ADGRD1: variants seen among roughly 807,000 people sequenced by gnomAD.
ADGRD1 encodes the protein adhesion G protein-coupled receptor D1, also known as G-protein coupled receptor 133.
A neutral mutation model predicts 113.4 loss-of-function variants in ADGRD1; 77 were observed. That is an observed-to-expected ratio of 0.68 (90% CI 0.57 to 0.82). The LOEUF (loss-of-function observed/expected upper bound fraction) is 0.82. ADGRD1 is among the 40% of genes least tolerant of loss of function. The pLI, the probability that ADGRD1 is intolerant of heterozygous loss-of-function variation, is 0.00. For missense variants in ADGRD1, 1,036 were observed against 1,139.1 expected (o/e 0.91, Z 1.30); for synonymous variants, 474 against 475.0 (o/e 1.00, Z 0.03).
intron 13 of ADGRD1, among the ~76,000 whole-genome samples, chr12:131,067,003 A>G (rs1209281014): frequency 6.6e-6 from 1 of 152,140 alleles, no homozygotes; most frequent in Non-Finnish European, 1.5e-5. Context: ...AACCCTGTAC[A>G]GGGCAGGGTG....
In ADGRD1 at chr12:131,096,933, G is replaced by C. The variant is rs1887326709; in HGVS notation, c.1672-7898G>C. ...CTGTCACTTGGGGCAGGTGATGGGA[G>C]GGGAGGAGGCCCAGCAGCTCTTCTC... On this transcript the variant is annotated intron_variant, in intron 15 of 24. Coordinates refer to ENST00000261654, the MANE Select transcript of ADGRD1 (RefSeq NM_198827.5). This position sits in a 1 kb window ranked among gnomAD's most constrained non-coding sequence, Gnocchi z 5.2. 6.6e-6 allele frequency among the ~76,000 whole-genome samples: 1 copy of C among 152,164 alleles called. No individual in the cohort carries two copies. Among genetic ancestry groups the C allele is most frequent in the South Asian group, 2.1e-4 (1 of 4,826 alleles).
intron 13 of ADGRD1, among the ~76,000 whole-genome samples, chr12:131,034,096 G>A (rs1012587678): frequency 6.6e-6 from 1 of 152,112 alleles, no homozygotes; most frequent in African/African-American, 2.4e-5. Flanking sequence ...AGTAATATTC[G>A]ACGTGGCCGT....
At chr12:131,082,157 TCCTCCACC>T (rs1229467049) in intron 14 of ADGRD1, among the ~76,000 whole-genome samples, 1 of 152,166 alleles carries the variant, frequency 6.6e-6, no homozygotes, top group Non-Finnish European at 1.5e-5. Context: ...CTTCCATCCT[TCCTCCACC>T]TTTTGTTTCT....
chr12:131,135,843 A>T (rs1951064084), intron 21 of ADGRD1, among the ~76,000 whole-genome samples, 194 bp from the exon 22 acceptor site: 1 of 152,172 alleles, frequency 6.6e-6, no homozygotes. Context: ...CTGTAAGGGG[A>T]TGGAGGTGTG....
chr12:131,135,441 G>A (rs193014340), intron 21 of ADGRD1, among the ~76,000 whole-genome samples: 9 of 152,248 alleles, frequency 5.9e-5, no homozygotes, highest in African/African-American at 1.9e-4. Context: ...TGTTTAGCAC[G>A]TCCTTTGAGC....
chr12:130,955,641 A>T (rs1002543214), intron 2 of ADGRD1, among the ~76,000 whole-genome samples: 1 of 152,148 alleles, frequency 6.6e-6, no homozygotes, highest in African/African-American at 2.4e-5. Context: ...AGACCCTGCT[A>T]GTGCCTGAAC....
At chr12:131,066,802 C>T (rs562262980) in intron 13 of ADGRD1, among the ~76,000 whole-genome samples, 4 of 152,194 alleles carry the variant, frequency 2.6e-5, no homozygotes, top group African/African-American at 7.2e-5. Flanking sequence ...ACCTGGCTGG[C>T]GGCGGGGGCA....
At chr12:131,026,200 C>A (rs988859669) in intron 13 of ADGRD1, 4 of 152,256 alleles carry the variant, frequency 2.6e-5, no homozygotes, top group Non-Finnish European at 5.9e-5. Context: ...TGGACTGTGT[C>A]TCAGTGGACT....
In ADGRD1 at chr12:131,022,009, C is replaced by A; in HGVS notation, c.1473+7669C>A. ...ATGAGCCACCGCGCTCGGCCCTGATCTCTTCTTATAAGGATACTGGTCACG... is the reference window on the plus strand; with the variant it reads ...ATGAGCCACCGCGCTCGGCCCTGATATCTTCTTATAAGGATACTGGTCACG... On this transcript the variant is annotated intron_variant, in intron 13 of 24. Transcript: ENST00000261654. This position sits in a 1 kb window ranked among gnomAD's most constrained non-coding sequence, Gnocchi z 4.6. Among the ~76,000 whole-genome samples the A allele has an allele frequency of 6.6e-6, 1 of 152,134 alleles. No homozygotes were observed. The highest frequency in any genetic ancestry group is 1.9e-4 in the East Asian group (1 of 5,174).
intron 20 of ADGRD1, among the ~76,000 whole-genome samples, chr12:131,122,278 C>A (rs2136058954): frequency 6.6e-6 from 1 of 152,236 alleles, no homozygotes; most frequent in South Asian, 2.1e-4. Context: ...AGGCTTGTGG[C>A]ATCAGAGCCT....
intron 19 of ADGRD1, 56 bp downstream of exon 19, chr12:131,118,507 C>T (rs945824800): frequency 8.7e-5 from 117 of 1,346,336 alleles, no homozygotes; most frequent in Middle Eastern, 5.5e-4. Context: ...CAGCTTGTGG[C>T]GAGAGCCCCG....
chr12:131,006,169 C>A, intron 12 of ADGRD1, 122 bp downstream of exon 12: 1 of 854,096 alleles, frequency 1.2e-6, no homozygotes, highest in South Asian at 1.4e-5. Flanking sequence ...GTACCGGGCG[C>A]TTCACTGCTC....
intron 15 of ADGRD1, among the ~76,000 whole-genome samples, chr12:131,087,722 C>G (rs1036771797): frequency 1.8e-5 from 1 of 55,538 alleles, no homozygotes; most frequent in African/African-American, 3.3e-5. Flanking sequence ...CTTCCCAGTC[C>G]CCACGCCCCC....
chr12:131,102,963 G>C (rs894858712), intron 15 of ADGRD1, among the ~76,000 whole-genome samples: 9 of 152,210 alleles, frequency 5.9e-5, no homozygotes, highest in Non-Finnish European at 8.8e-5. Context: ...TCATCCTCAG[G>C]GATACTGATG....
intron 18 of ADGRD1, among the ~76,000 whole-genome samples, chr12:131,114,718 G>T (rs535606388): frequency 1.3e-5 from 2 of 149,582 alleles, no homozygotes; most frequent in East Asian, 3.9e-4. Context: ...ATTATTTTTT[G>T]GAAACTGAGG....
rs1870857485 is a variant in ADGRD1 at position 130,965,026 on chromosome 12, G to T, written c.104-1437G>T. ...TACGACATTGAGTCGGCTTTTCCAA[G>T]AATAGGTTGAATCCTTCATGCATTC... On this transcript the variant is annotated intron_variant, in intron 2 of 24. Transcript: ENST00000261654. This position sits in a 1 kb window ranked among gnomAD's most constrained non-coding sequence, Gnocchi z 4.8. Among the ~76,000 whole-genome samples, 1 of 152,150 alleles carries T rather than the reference G, an allele frequency of 6.6e-6. No individual in the cohort carries two copies. The highest frequency in any genetic ancestry group is 6.5e-5 in the Admixed American group (1 of 15,278).
In ADGRD1 at chr12:131,050,717, G is replaced by C. The variant is rs548013972; in HGVS notation, c.1474-26084G>C. Among the ~76,000 whole-genome samples, 2 of 152,154 alleles carry C rather than the reference G, an allele frequency of 1.3e-5. No homozygotes were observed. Among genetic ancestry groups the C allele is most frequent in the Non-Finnish European group, 2.9e-5 (2 of 68,030 alleles). ...GGTCCCCAGACATTTTGGCACCAGG[G>C]ACTGGTTTCGTGGAAGACAATTTTT... On this transcript the variant is annotated intron_variant, in intron 13 of 24. Coordinates refer to ENST00000261654, the MANE Select transcript of ADGRD1 (RefSeq NM_198827.5). The surrounding 1 kb of genome is among the most constrained non-coding windows in gnomAD (Gnocchi z 4.8).
chr12:130,964,745 T>G (rs1441412101), intron 2 of ADGRD1, among the ~76,000 whole-genome samples: 3 of 152,226 alleles, frequency 2.0e-5, no homozygotes, highest in Non-Finnish European at 4.4e-5. Flanking sequence ...TGAATTTCCA[T>G]ATGTACTTAG....
In ADGRD1 at chr12:131,138,858, G is replaced by C. The variant is rs569540372; in HGVS notation, c.2530-310G>C. On this transcript the variant is annotated intron_variant, in intron 24 of 24. Coordinates refer to ENST00000261654, the MANE Select transcript of ADGRD1 (RefSeq NM_198827.5). Reference sequence around the variant, plus strand: ...GTCACCGTGGAATGAACGCAGCGTGGACAGATGCATGGGGGTGAAAGCGTG... The same window carrying C: ...GTCACCGTGGAATGAACGCAGCGTGCACAGATGCATGGGGGTGAAAGCGTG... Among the ~76,000 whole-genome samples the C allele has an allele frequency of 1.4e-4, 21 of 152,352 alleles. No homozygotes were observed. The South Asian group carries it at 4.1e-3, about 30-fold the overall frequency.
Sources: gnomAD v4.1 joint callset for allele counts (sites outside exome capture counted in the v4.1 genomes callset) on GRCh38, gnomAD v4.1.1 for gene constraint, Gnocchi (gnomAD v3.1) non-coding constraint, MANE v1.5 for transcripts, NCBI Gene and HGNC (gene_info 2026-07-23, HGNC 2026-07-21) for gene names.